ACCSL: variants seen among roughly 807,000 people sequenced by gnomAD.
ACCSL encodes the protein probable inactive 1-aminocyclopropane-1-carboxylate synthase-like protein 2.
In ACCSL, 55 loss-of-function variants were observed where a neutral mutation model predicts 61.7. The ratio of observed to expected loss-of-function variants is 0.89; its 90% confidence interval spans 0.72 to 1.12. The LOEUF is 1.12. Among genes scored for constraint, ACCSL ranks in the 50% most tolerant of loss-of-function variants. ACCSL has a pLI of 0.00. For missense variants in ACCSL, 632 were observed against 698.0 expected, an observed-to-expected ratio of 0.91 and a Z score of 1.07; for synonymous variants, 258 against 264.3, an observed-to-expected ratio of 0.98 and a Z score of 0.23.
At chr11:43,957,117 T>G in the ACCSL span, among the ~76,000 whole-genome samples, 5 of 152,340 alleles carry the variant, frequency 3.3e-5, no homozygotes, top group East Asian at 7.7e-4. Context: ...AGGTTTACTT[T>G]TGCCAAGGTT....
rs368433803 is a variant in ACCSL, at chr11:44,056,232, C to T, written c.1233C>T (p.Asn411=). ...GCTTTGGTGCTCTGTATACCCACAA[C>T]AAGGAGGTGGCCTCTGCTGTGAGTG... ...GFRFGALYTH[N]KEVASAVSAF... is the part of the protein sequence containing the mutation. Residue 411 remains asparagine, a synonymous_variant, in exon 11 of 14, where the codon AAC becomes AAT. Coordinates refer to ENST00000378832, the MANE Select transcript of ACCSL (RefSeq NM_001031854.2). 4.3e-6 allele frequency: 7 copies of T among 1,614,114 alleles called. No individual in the cohort carries two copies. Among genetic ancestry groups the T allele is most frequent in the South Asian group, 2.2e-5 (2 of 91,088 alleles).
the ACCSL span, among the ~76,000 whole-genome samples, chr11:43,980,848 G>T: frequency 7.0e-6 from 1 of 142,804 alleles, no homozygotes; most frequent in Non-Finnish European, 1.6e-5. Context: ...TGGGGTAAGC[G>T]CTATTATCAT....
chr11:44,047,518 G>T (rs1402122163), upstream of ACCSL, among the ~76,000 whole-genome samples: 1 of 152,072 alleles, frequency 6.6e-6, no homozygotes, highest in Non-Finnish European at 1.5e-5. Context: ...CCATAATCAA[G>T]ACATAAATAA....
At chr11:44,053,922 C>A (rs1051982185) in intron 8 of ACCSL, among the ~76,000 whole-genome samples, 2 of 152,176 alleles carry the variant, frequency 1.3e-5, no homozygotes, top group Admixed American at 1.3e-4. Context: ...TTATGTAAAA[C>A]TAACTGAAAT....
the ACCSL span, among the ~76,000 whole-genome samples, chr11:43,983,162 G>A: frequency 1.8e-4 from 28 of 152,280 alleles, no homozygotes; most frequent in Non-Finnish European, 3.7e-4. Context: ...ATCCCCCATT[G>A]GAGGTGATTG....
chr11:44,005,717 C>G, the ACCSL span, among the ~76,000 whole-genome samples: 3 of 152,132 alleles, frequency 2.0e-5, no homozygotes, highest in African/African-American at 7.2e-5. Context: ...ACCTCCTCCC[C>G]CGCCCTCTAC....
chr11:44,048,285 G>C lies in ACCSL; in HGVS notation c.249G>C (p.Gln83His). The C allele has an allele frequency of 6.2e-7, 1 of 1,614,160 alleles. No homozygotes were observed. The highest frequency in any genetic ancestry group is 8.5e-7 in the Non-Finnish European group (1 of 1,180,030). The change falls in exon 1 of 14, where the codon CAG becomes CAC. Residue 83 changes from glutamine (Q) to histidine (H), a missense_variant. Coordinates refer to ENST00000378832, the MANE Select transcript of ACCSL (RefSeq NM_001031854.2). ...RLICRMINLLQSGAASGLELQ... is the reference protein window; with the variant it reads ...RLICRMINLLHSGAASGLELQ... ...TATGCCGGATGATCAACCTCCTACAGTCTGGGGCCGCGAGTGGCCTGGAGC... is the reference window on the plus strand; with the variant it reads ...TATGCCGGATGATCAACCTCCTACACTCTGGGGCCGCGAGTGGCCTGGAGC...
chr11:44,024,014 G>A, the ACCSL span, among the ~76,000 whole-genome samples: 1 of 152,154 alleles, frequency 6.6e-6, no homozygotes, highest in East Asian at 1.9e-4. Flanking sequence ...CTGGGGCAAT[G>A]GGTATACAGA....
intron 1 of ACCSL, 159 bp from the exon 2 acceptor site, chr11:44,049,903 T>G: frequency 1.1e-6 from 1 of 881,254 alleles, no homozygotes; most frequent in East Asian, 2.6e-5. Flanking sequence ...AGCTGTACTA[T>G]TTTGGGTTCA....
the ACCSL span, among the ~76,000 whole-genome samples, chr11:43,992,657 G>A: frequency 5.3e-5 from 8 of 152,170 alleles, no homozygotes; most frequent in Admixed American, 3.9e-4. Context: ...CAATGTTAGA[G>A]ATTCATGCGC....
the ACCSL span, among the ~76,000 whole-genome samples, chr11:43,937,631 G>A: frequency 1.3e-3 from 193 of 152,262 alleles, no homozygotes; most frequent in Admixed American, 2.2e-3. Flanking sequence ...GTGCTGGACT[G>A]TTCCAGCCCT....
the ACCSL span, among the ~76,000 whole-genome samples, chr11:43,963,915 A>G: frequency 1.3e-5 from 2 of 152,188 alleles, no homozygotes; most frequent in African/African-American, 2.4e-5. Flanking sequence ...CCAGAATTGT[A>G]TCTTGTTGGA....
At chr11:43,981,724 A>C in the ACCSL span, among the ~76,000 whole-genome samples, 1 of 152,160 alleles carries the variant, frequency 6.6e-6, no homozygotes, top group African/African-American at 2.4e-5. Flanking sequence ...TTTGCTCAGA[A>C]GCCTCCTCTG....
At chr11:43,979,040 G>A in the ACCSL span, among the ~76,000 whole-genome samples, 1 of 152,066 alleles carries the variant, frequency 6.6e-6, no homozygotes, top group African/African-American at 2.4e-5. Context: ...CTTATATCTG[G>A]GTAAGGGGTC....
chr11:43,974,140 C>T, the ACCSL span: 4 of 152,170 alleles, frequency 2.6e-5, no homozygotes, highest in South Asian at 2.1e-4. Context: ...CAGGAAGAGA[C>T]CTCAAGATAT....
chr11:43,996,286 C>G, the ACCSL span, among the ~76,000 whole-genome samples: 1 of 152,210 alleles, frequency 6.6e-6, no homozygotes, highest in Admixed American at 6.5e-5. Flanking sequence ...ATAGATGGCT[C>G]TAACCTGGAG....
chr11:44,017,552 T>C, the ACCSL span, among the ~76,000 whole-genome samples: 8 of 152,166 alleles, frequency 5.3e-5, no homozygotes, highest in East Asian at 1.3e-3. Context: ...TCTCCCAGGC[T>C]TGGGGGCAAT....
Position 44,048,468 on chromosome 11 carries a change from C to T in ACCSL, c.432C>T (p.Val144=), listed in dbSNP as rs1952614843. The T allele has an allele frequency of 6.2e-7, 1 of 1,611,698 alleles. No individual in the cohort carries two copies. Residue 144 remains valine, a synonymous_variant, in exon 1 of 14, where the codon GTC becomes GTT. Transcript: ENST00000378832. Reference sequence around the variant, plus strand: ...CCATCCGTGGGATTGACATCTCTGTCTTTTATCAGTCGAGCTTCCAGGACT... The same window carrying T: ...CCATCCGTGGGATTGACATCTCTGTTTTTTATCAGTCGAGCTTCCAGGACT... The part of the protein sequence containing the change: ...DLSIRGIDIS[V]FYQSSFQDYN...
chr11:43,931,211 G>A, the ACCSL span, among the ~76,000 whole-genome samples: 2 of 152,236 alleles, frequency 1.3e-5, no homozygotes, highest in Admixed American at 1.3e-4. Context: ...TGTCTGAGCA[G>A]CGTGAGGCCT....
Sources: allele counts gnomAD v4.1 joint callset (sites outside exome capture counted in the v4.1 genomes callset), GRCh38; gene constraint gnomAD v4.1.1; transcripts MANE v1.5; gene names NCBI Gene and HGNC (gene_info 2026-07-23, HGNC 2026-07-21).